PHEX: variants seen among roughly 807,000 people sequenced by gnomAD.
PHEX encodes phosphate-regulating neutral endopeptidase PHEX.
A neutral mutation model predicts 68.0 loss-of-function variants in PHEX; 16 were observed. The ratio of observed to expected loss-of-function variants is 0.24; its 90% CI spans 0.16 to 0.36. The LOEUF (loss-of-function observed/expected upper bound fraction) is 0.36, where lower values mean the gene tolerates loss of function less well. Ranked by LOEUF, PHEX falls within the 10% of genes least tolerant of loss-of-function variation. PHEX has a pLI of 1.00. For missense variants in PHEX, 480 were observed against 575.5 expected (o/e 0.83, Z 1.70); for synonymous variants, 208 against 205.1 (o/e 1.01, Z -0.12).
chrX:22,166,587 G>T (rs1933328791), intron 12 of PHEX, among the ~76,000 whole-genome samples: 1 of 110,087 alleles, frequency 9.1e-6, no homozygotes. Flanking sequence ...ATTAGAAAAT[G>T]GGTAAATTAA....
Position 22,070,309 on chromosome X carries a change from T to C in PHEX, c.350-6079T>C, listed in dbSNP as rs182485650. Among the ~76,000 whole-genome samples the C allele has an allele frequency of 1.6e-4, 18 of 111,617 alleles. No individual in the cohort carries two copies. The Admixed American group carries it at 1.7e-3, about 11-fold the overall frequency. ...CAGAATCAGAGGGCACTCCCTCTGA[T>C]TTCCAAAAGAGAAATGTTACCACAA... is the stretch of plus-strand genomic sequence containing the variant. On this transcript the variant is annotated intron_variant, in intron 3 of 21. Transcript: ENST00000379374.
chrX:22,155,202 G>A (rs944521578), intron 12 of PHEX, among the ~76,000 whole-genome samples: 3 of 112,796 alleles, frequency 2.7e-5, no homozygotes, highest in Non-Finnish European at 5.6e-5. Flanking sequence ...GTGAGCCATC[G>A]TGCCCAGCCC....
At chrX:22,174,609 A>G (rs751695107) in intron 13 of PHEX, among the ~76,000 whole-genome samples, 10 of 112,064 alleles carry the variant, frequency 8.9e-5, no homozygotes, top group Non-Finnish European at 1.7e-4. Context: ...AGTTATAATC[A>G]TATTCTGAAG....
chrX:22,178,032 CTT>C (rs1441548161), intron 13 of PHEX, among the ~76,000 whole-genome samples: 1 of 112,048 alleles, frequency 8.9e-6, no homozygotes, highest in Non-Finnish European at 1.9e-5. Context: ...TGCAGCTTCT[CTT>C]GTTGTGTTTT....
At chrX:22,210,661 A>G (rs774528561) in intron 15 of PHEX, among the ~76,000 whole-genome samples, 1 of 111,494 alleles carries the variant, frequency 9.0e-6, no homozygotes, top group Admixed American at 9.6e-5. Context: ...TAAATATGCC[A>G]CAAATATTTA....
chrX:22,151,722 G>A (rs1932858238), intron 12 of PHEX, among the ~76,000 whole-genome samples: 1 of 111,940 alleles, frequency 8.9e-6, no homozygotes, highest in Non-Finnish European at 1.9e-5. Flanking sequence ...CCTGACAGGA[G>A]AGCCTGTCCT....
At chrX:22,071,952 C>T (rs977759924) in intron 3 of PHEX, among the ~76,000 whole-genome samples, 3 of 110,599 alleles carry the variant, frequency 2.7e-5, no homozygotes, top group Non-Finnish European at 5.7e-5. Context: ...ACAGGCTGGG[C>T]GCGGTGGCTC....
Position 22,249,458 on chromosome X carries a change from ATAT to A in PHEX, c.*1506_*1508del, listed in dbSNP as rs1569100264. 8.8e-3 allele frequency: 345 copies of A among 39,036 alleles called. 4 individuals are homozygous for A. The highest frequency in any genetic ancestry group is 0.03 in the African/African-American group (270 of 8,905). 3.2% of individuals were successfully genotyped at this position (39,036 alleles called of 1,213,427 possible). On this transcript the variant is annotated 3_prime_UTR_variant, in exon 22 of 22. Transcript: ENST00000379374. ...TGATTCTTTTAAAAAAAAAAAAAAT[ATAT>A]ATATATATATATATATATATATATA...
At chrX:22,204,987 C>A (rs1028290615) in intron 15 of PHEX, among the ~76,000 whole-genome samples, 1 of 111,490 alleles carries the variant, frequency 9.0e-6, no homozygotes, top group African/African-American at 3.3e-5. Context: ...TGCAAATGAC[C>A]AAATATCCCA....
chrX:22,046,755 T>C (rs1211584754), intron 2 of PHEX, among the ~76,000 whole-genome samples: 3 of 109,854 alleles, frequency 2.7e-5, no homozygotes, highest in Non-Finnish European at 5.7e-5. Context: ...TTAGTAGAGA[T>C]GGGTTTTCAC....
intron 2 of PHEX, among the ~76,000 whole-genome samples, chrX:22,045,989 C>A (rs1232010535): frequency 1.8e-5 from 2 of 112,548 alleles, no homozygotes; most frequent in Admixed American, 1.9e-4. Flanking sequence ...GCAAACCACC[C>A]AAACCATAGA....
chrX:22,072,637 C>A (rs183138313), intron 3 of PHEX, among the ~76,000 whole-genome samples: 1 of 112,030 alleles, frequency 8.9e-6, no homozygotes, highest in East Asian at 2.8e-4. Flanking sequence ...ATAGAAAGCA[C>A]TTCTACAAAT....
chrX:22,148,859 C>T (rs759135910), intron 12 of PHEX, among the ~76,000 whole-genome samples: 15 of 110,851 alleles, frequency 1.4e-4, no homozygotes, highest in Non-Finnish European at 2.6e-4. Context: ...TTGTATACAT[C>T]GACTCACAGA....
chrX:22,206,785 A>G (rs1413094693), intron 15 of PHEX, among the ~76,000 whole-genome samples: 1 of 111,190 alleles, frequency 9.0e-6, no homozygotes, highest in Non-Finnish European at 1.9e-5. Flanking sequence ...ATATTTATTT[A>G]TTTGTTTTCT....
At chrX:22,183,178 CT>C (rs1173690974) in intron 14 of PHEX, among the ~76,000 whole-genome samples, 4 of 110,897 alleles carry the variant, frequency 3.6e-5, no homozygotes, top group African/African-American at 9.9e-5. Flanking sequence ...GCTACTCTCC[CT>C]TTCAAGTCCC....
At chrX:22,106,076 G>GTT (rs11403243) in intron 9 of PHEX, among the ~76,000 whole-genome samples, 1 of 110,293 alleles carries the variant, frequency 9.1e-6, no homozygotes, top group Non-Finnish European at 1.9e-5. Context: ...CTGAAAATGT[G>GTT]TTTTTTTGGG....
At chrX:22,219,010 C>G (rs750846826) in intron 16 of PHEX, 26 bp from the exon 17 acceptor site, 27 of 1,056,683 alleles carry the variant, frequency 2.6e-5, no homozygotes, top group Non-Finnish European at 3.4e-5. Flanking sequence ...TTGTAATTGT[C>G]TCCAAATTAT....
chrX:22,035,599 A>G (rs1926969107), intron 1 of PHEX, among the ~76,000 whole-genome samples: 1 of 111,923 alleles, frequency 8.9e-6, no homozygotes, highest in Non-Finnish European at 1.9e-5. Flanking sequence ...AAAATGTAAA[A>G]GCCATTCATA....
chrX:22,076,557 G>A (rs1929162732), intron 4 of PHEX, 83 bp downstream of exon 4: 1 of 643,649 alleles, frequency 1.6e-6, no homozygotes, highest in Non-Finnish European at 2.5e-6. Flanking sequence ...ATTGTTTGAG[G>A]AAGAAGAGAA....
Sources: gnomAD v4.1 joint callset for allele counts (sites outside exome capture counted in the v4.1 genomes callset) on GRCh38, gnomAD v4.1.1 for gene constraint, MANE v1.5 for transcripts, NCBI Gene and HGNC (gene_info 2026-07-23, HGNC 2026-07-21) for gene names.